Variants in LRRC7 observed in about 807,000 individuals in gnomAD.
LRRC7 encodes leucine rich repeat containing 7.
A neutral mutation model predicts 175.7 loss-of-function variants in LRRC7; 23 were observed. The ratio of observed to expected loss-of-function variants is 0.13; its 90% CI spans 0.09 to 0.19. The LOEUF (loss-of-function observed/expected upper bound fraction) is 0.19. Ranked by LOEUF, LRRC7 falls within the 10% of genes least tolerant of loss-of-function variation. The pLI is 1.00. For synonymous variants in LRRC7, 685 were observed against 680.9 expected, an observed-to-expected ratio of 1.01 and a Z score of -0.09; for missense variants, 1,354 against 1,904.7, an observed-to-expected ratio of 0.71 and a Z score of 5.38.
In LRRC7 at chr1:70,124,389, G is replaced by A. The variant is rs1666350105; in HGVS notation, c.*2502G>A. Among the ~76,000 whole-genome samples the A allele has an allele frequency of 6.6e-6, 1 of 152,106 alleles. No individual in the cohort carries two copies. The highest frequency in any genetic ancestry group is 2.1e-4 in the South Asian group (1 of 4,832). ...ATACAAAAATTAGCTGAGCATGGTG[G>A]CGGGCACCTATAATCCCAGCTATTT... On this transcript the variant is annotated 3_prime_UTR_variant, in exon 27 of 27. Coordinates refer to ENST00000651989, the MANE Select transcript of LRRC7 (RefSeq NM_001370785.2).
At chr1:69,581,912 T>C (rs1204489351) in intron 1 of LRRC7, among the ~76,000 whole-genome samples, 1 of 152,172 alleles carries the variant, frequency 6.6e-6, no homozygotes, top group Non-Finnish European at 1.5e-5. Flanking sequence ...GTGTAAACCA[T>C]TGATAGTGTT....
intron 2 of LRRC7, among the ~76,000 whole-genome samples, chr1:69,691,415 T>G (rs576764002): frequency 1.2e-4 from 18 of 152,286 alleles, no homozygotes; most frequent in African/African-American, 4.3e-4. Context: ...ATCCTATTTA[T>G]CTGTCTGTCA....
At position 69,657,560 on chromosome 1, in the gene LRRC7, CG is replaced by C. The variant is rs1371079582; in HGVS notation, c.3-20820del. 2.6e-5 allele frequency among the ~76,000 whole-genome samples: 4 copies of C among 151,774 alleles called. No individual in the cohort carries two copies. In the East Asian group the frequency reaches 7.7e-4, roughly 29 times the overall value. On this transcript the variant is annotated intron_variant, in intron 1 of 26. Coordinates refer to ENST00000651989, the MANE Select transcript of LRRC7 (RefSeq NM_001370785.2). Reference sequence around the variant, plus strand: ...AAAATGTATACATTGTATTTTTCCCCGATGTGTCTTCTGTATGTAAAGTATT... The same window carrying C: ...AAAATGTATACATTGTATTTTTCCCCATGTGTCTTCTGTATGTAAAGTATT...
At chr1:70,000,357 ATG>A (rs1180102810) in intron 11 of LRRC7, among the ~76,000 whole-genome samples, 1 of 152,198 alleles carries the variant, frequency 6.6e-6, no homozygotes, top group African/African-American at 2.4e-5. Context: ...AGTAAATCAC[ATG>A]TCTTATAGTT....
chr1:69,942,681 C>G (rs1173404601), intron 8 of LRRC7, among the ~76,000 whole-genome samples: 1 of 152,064 alleles, frequency 6.6e-6, no homozygotes, highest in Non-Finnish European at 1.5e-5. Context: ...CTCTGACCCC[C>G]TTGCCTCTCT....
intron 2 of LRRC7, among the ~76,000 whole-genome samples, chr1:69,692,304 G>A (rs541557758): frequency 6.6e-5 from 10 of 152,252 alleles, no homozygotes; most frequent in East Asian, 1.9e-4. Flanking sequence ...ACTTCCTAAC[G>A]GAGTTAGAAA....
chr1:69,965,949 T>C (rs1651624366), intron 8 of LRRC7, among the ~76,000 whole-genome samples: 1 of 152,176 alleles, frequency 6.6e-6, no homozygotes, highest in African/African-American at 2.4e-5. Flanking sequence ...AAACCAAGTG[T>C]ATTGTTAAAT....
rs527678205 is a variant in LRRC7 at position 69,919,971 on chromosome 1, C to G, written c.648-11536C>G. On this transcript the variant is annotated intron_variant, in intron 7 of 26. Transcript: ENST00000651989. ...ATGGCTGGGAGGGGGCCCTTCCAGA[C>G]TGGGGGCCCTTCCAGACTGGGGGCC... 84 of 545,924 alleles carry G rather than the reference C, an allele frequency of 1.5e-4. 1 individual carries two copies. In the East Asian group the frequency reaches 2.9e-3, roughly 19 times the overall value. 33.8% of individuals were successfully genotyped at this position (545,924 alleles called of 1,614,324 possible). A position where few individuals can be genotyped will look rare whatever the true frequency, so the allele number is the denominator to read the frequency against.
intron 10 of LRRC7, among the ~76,000 whole-genome samples, chr1:69,987,765 A>G (rs1267236313): frequency 6.6e-6 from 1 of 152,256 alleles, no homozygotes; most frequent in Admixed American, 6.5e-5. Context: ...GATAAAGAAC[A>G]TTAGTTTTAG....
chr1:70,116,030 T>C (rs941923654), intron 26 of LRRC7, among the ~76,000 whole-genome samples: 2 of 152,216 alleles, frequency 1.3e-5, no homozygotes, highest in Non-Finnish European at 2.9e-5. Context: ...AATTTATTTG[T>C]TGAAGATGAT....
intron 7 of LRRC7, among the ~76,000 whole-genome samples, chr1:69,921,735 T>G (rs1197169378): frequency 6.6e-6 from 1 of 152,156 alleles, no homozygotes; most frequent in Non-Finnish European, 1.5e-5. Flanking sequence ...TGATGTGAGC[T>G]TTCTAAAATA....
At chr1:69,806,284 G>C (rs1346309557) in intron 4 of LRRC7, among the ~76,000 whole-genome samples, 4 of 152,050 alleles carry the variant, frequency 2.6e-5, no homozygotes, top group African/African-American at 9.6e-5. Flanking sequence ...CAATGTGTTT[G>C]TTGTTGAAGC....
intron 8 of LRRC7, among the ~76,000 whole-genome samples, chr1:69,971,934 A>G (rs1465682789): frequency 6.6e-6 from 1 of 152,216 alleles, no homozygotes; most frequent in Non-Finnish European, 1.5e-5. Context: ...CACATAGACC[A>G]ATGGAACAGA....
chr1:69,771,762 G>A (rs1439619412), intron 3 of LRRC7, among the ~76,000 whole-genome samples: 1 of 152,092 alleles, frequency 6.6e-6, no homozygotes, highest in African/African-American at 2.4e-5. Flanking sequence ...TGCTCCAAAA[G>A]GAGCATGTAA....
intron 1 of LRRC7, among the ~76,000 whole-genome samples, chr1:69,673,518 G>A (rs1659387226): frequency 6.6e-6 from 1 of 152,180 alleles, no homozygotes; most frequent in African/African-American, 2.4e-5. Context: ...AGAGTAGCTA[G>A]AACAGCTCCT....
At chr1:69,844,888 C>A (rs1165398225) in intron 7 of LRRC7, among the ~76,000 whole-genome samples, 1 of 152,094 alleles carries the variant, frequency 6.6e-6, no homozygotes, top group African/African-American at 2.4e-5. Flanking sequence ...GATAAAAACA[C>A]TTTCAACACA....
At chr1:69,940,549 T>A (rs1358628601) in intron 8 of LRRC7, among the ~76,000 whole-genome samples, 1 of 151,952 alleles carries the variant, frequency 6.6e-6, no homozygotes, top group Non-Finnish European at 1.5e-5. Flanking sequence ...AATTAAAAGC[T>A]CCCTGATGGA....
At chr1:69,618,206 C>T (rs1054400625) in intron 1 of LRRC7, among the ~76,000 whole-genome samples, 3 of 152,132 alleles carry the variant, frequency 2.0e-5, no homozygotes, top group African/African-American at 7.2e-5. Context: ...ATTACCAGAT[C>T]TGATCGAAGC....
At chr1:69,900,180 C>A (rs1003211805) in intron 7 of LRRC7, among the ~76,000 whole-genome samples, 3 of 152,142 alleles carry the variant, frequency 2.0e-5, no homozygotes, top group Non-Finnish European at 4.4e-5. Context: ...CTTGCTCCAA[C>A]TAATAAACAA....
Sources: gnomAD v4.1 joint callset for allele counts (sites outside exome capture counted in the v4.1 genomes callset) on GRCh38, gnomAD v4.1.1 for gene constraint, MANE v1.5 for transcripts, NCBI Gene and HGNC (gene_info 2026-07-23, HGNC 2026-07-21) for gene names.